ZNF518B: variants seen among roughly 807,000 people sequenced by gnomAD.
The protein encoded by ZNF518B is zinc finger protein 518B.
In ZNF518B, 23 loss-of-function variants were observed where a neutral mutation model predicts 56.3. The ratio of observed to expected loss-of-function variants is 0.41; its 90% CI spans 0.29 to 0.58. The LOEUF is 0.58. Among genes scored for constraint, ZNF518B ranks in the 20% least tolerant of loss-of-function variants. The pLI is 0.32. For synonymous variants in ZNF518B, 529 were observed against 465.9 expected, an observed-to-expected ratio of 1.14 and a Z score of -1.74; for missense variants, 1,460 against 1,272.1, an observed-to-expected ratio of 1.15 and a Z score of -2.25.
At chr4:10,452,689 C>G (rs1715371836) in intron 2 of ZNF518B, 1 of 152,020 alleles carries the variant, frequency 6.6e-6, no homozygotes, top group African/African-American at 2.4e-5. Context: ...AAACTATGCT[C>G]AAAATAATGC....
rs1714828396 is a variant in ZNF518B, at chr4:10,444,045, T to G, written c.2284A>C (p.Arg762=). Reference sequence around the variant, plus strand: ...ACTGGCGTGGCAACATGAGCCTTCCTGGCCACTCTGCTTTTGGTTTTCCTA... The same window carrying G: ...ACTGGCGTGGCAACATGAGCCTTCCGGGCCACTCTGCTTTTGGTTTTCCTA... ...SNRKTKSRVA[R]KAHVATPVLI... is the part of the protein sequence containing the mutation. Residue 762 remains arginine, a synonymous_variant, in exon 3 of 3, where the codon AGG becomes CGG. Transcript: ENST00000326756. The G allele has an allele frequency of 2.5e-6, 4 of 1,614,236 alleles. No homozygotes were observed. Among genetic ancestry groups the G allele is most frequent in the Non-Finnish European group, 2.5e-6 (3 of 1,180,044 alleles).
rs1235001846 is a variant in ZNF518B at position 10,440,398 on chromosome 4, A to G, written c.*2706T>C. 1.3e-5 allele frequency: 2 copies of G among 152,500 alleles called. No homozygotes were observed. The highest frequency in any genetic ancestry group is 4.8e-5 in the African/African-American group (2 of 41,376). The allele number at this position is 152,500 out of a possible 1,614,324, so 9.4% of individuals were successfully genotyped here. Reference sequence around the variant, plus strand: ...TACTTTAAAAAATAAGTTGAAAATGATTTTATTGGCAGTATTAACAAAATG... The same window carrying G: ...TACTTTAAAAAATAAGTTGAAAATGGTTTTATTGGCAGTATTAACAAAATG... On this transcript the variant is annotated 3_prime_UTR_variant, in exon 3 of 3. Coordinates refer to ENST00000326756, the MANE Select transcript of ZNF518B (RefSeq NM_053042.3).
At position 10,443,536 on chromosome 4, in the gene ZNF518B, A is replaced by T. The variant is rs765650890; in HGVS notation, c.2793T>A (p.Asp931Glu). 14 of 1,614,040 alleles carry T rather than the reference A, an allele frequency of 8.7e-6. No individual in the cohort carries two copies. The South Asian group carries it at 1.2e-4, about 14-fold the overall frequency. ...RQLRLIAAKP[D>E]QLIKCPRRNQ... ...TCCGACGGGGACACTTAATCAACTG[A>T]TCTGGCTTAGCTGCTATCAGTCTTA... The change falls in exon 3 of 3, where the codon GAT becomes GAA. Residue 931 changes from aspartate to glutamate, a missense_variant. Asp to Glu is a conservative substitution (Grantham distance 45, BLOSUM62 2). Coordinates refer to ENST00000326756, the MANE Select transcript of ZNF518B (RefSeq NM_053042.3).
At position 10,446,455 on chromosome 4, in the gene ZNF518B, T is replaced by A; in HGVS notation, c.-127A>T. On this transcript the variant is annotated 5_prime_UTR_variant, in exon 3 of 3. An upstream open reading frame in the 5' UTR loses its in-frame stop. Coordinates refer to ENST00000326756, the MANE Select transcript of ZNF518B (RefSeq NM_053042.3). ...CGCAGCTACTTCTTGGGTGCATACT[T>A]AATTATCTTTCTTTATATACTGCCG... is the stretch of plus-strand genomic sequence containing the variant. 2 of 846,542 alleles carry A rather than the reference T, an allele frequency of 2.4e-6. No homozygotes were observed. The highest frequency in any genetic ancestry group is 3.7e-6 in the Non-Finnish European group (2 of 536,772). 52.4% of individuals were successfully genotyped at this position (846,542 alleles called of 1,614,324 possible).
upstream of ZNF518B, among the ~76,000 whole-genome samples, chr4:10,457,835 AGGAGATG>A: frequency 6.6e-6 from 1 of 152,300 alleles, no homozygotes; most frequent in African/African-American, 2.4e-5. Context: ...GCTTCAGTGA[AGGAGATG>A]GCCTTGAAGT....
At chr4:10,458,210 C>T (rs1361366014), upstream of ZNF518B, among the ~76,000 whole-genome samples, 1 of 152,194 alleles carries the variant, frequency 6.6e-6, no homozygotes, top group Non-Finnish European at 1.5e-5. Flanking sequence ...ATTGCCAGGT[C>T]CCGCACAATC....
Position 10,444,750 on chromosome 4 carries a change from A to C in ZNF518B, c.1579T>G (p.Leu527Val), listed in dbSNP as rs778215760. The C allele has an allele frequency of 3.1e-6, 5 of 1,613,978 alleles. No individual in the cohort carries two copies. In the East Asian group the frequency reaches 1.1e-4, roughly 36 times the overall value. Residue 527 changes from leucine (L) to valine (V), a missense_variant, in exon 3 of 3, where the codon TTA (leucine) becomes GTA (valine). Transcript: ENST00000326756. ...GRNLHSSSQQ[L>V]LPFAASPATC... is the part of the protein sequence containing the mutation. ...GCAGGTGATGCAGCAAATGGGAGTA[A>C]CTGCTGTGAGCTACTGTGTAAATTT... is the stretch of plus-strand genomic sequence containing the variant.
At position 10,445,822 on chromosome 4, in the gene ZNF518B, G is replaced by A. The variant is rs759710653; in HGVS notation, c.507C>T (p.Tyr169=). ...GAAACTCTCCTTTCGTATACGAAATGTAGCTGCAGTGAGAACAAATGAATT... is the reference window on the plus strand; with the variant it reads ...GAAACTCTCCTTTCGTATACGAAATATAGCTGCAGTGAGAACAAATGAATT... ...EIKFICSHCS[Y]ISYTKGEFQR... The change falls in exon 3 of 3, where the codon TAC becomes TAT. Residue 169 remains tyrosine (Y), a synonymous_variant. Transcript: ENST00000326756. The A allele has an allele frequency of 2.5e-6, 4 of 1,614,228 alleles. No homozygotes were observed. In the South Asian group the frequency reaches 4.4e-5, roughly 18 times the overall value.
At position 10,445,995 on chromosome 4, in the gene ZNF518B, T is replaced by C; in HGVS notation, c.334A>G (p.Asn112Asp). ...GAACTTGAGAAGTTTTCAGTTTTATTTCCAACATGAGTCGCACTGGAATTA... is the reference window on the plus strand; with the variant it reads ...GAACTTGAGAAGTTTTCAGTTTTATCTCCAACATGAGTCGCACTGGAATTA... ...SNNSSATHVG[N>D]KTENFSSSVN... The change falls in exon 3 of 3, where the codon AAT (asparagine) becomes GAT (aspartate). Residue 112 changes from asparagine (N) to aspartate (D), a missense_variant. Coordinates refer to ENST00000326756, the MANE Select transcript of ZNF518B (RefSeq NM_053042.3). 6.2e-7 allele frequency: 1 copy of C among 1,614,188 alleles called. No homozygotes were observed. Among genetic ancestry groups the C allele is most frequent in the Non-Finnish European group, 8.5e-7 (1 of 1,180,036 alleles).
chr4:10,445,827 T>C lies in ZNF518B; in HGVS notation c.502A>G (p.Ser168Gly). Residue 168 changes from serine to glycine, a missense_variant, in exon 3 of 3, where the codon AGC (serine) becomes GGC (glycine). Physicochemically the swap from Ser to Gly is moderately conservative, Grantham distance 56 (BLOSUM62 0). Coordinates refer to ENST00000326756, the MANE Select transcript of ZNF518B (RefSeq NM_053042.3). ...EEIKFICSHC[S>G]YISYTKGEFQ... ...TCTCCTTTCGTATACGAAATGTAGC[T>C]GCAGTGAGAACAAATGAATTTAATC... is the stretch of plus-strand genomic sequence containing the variant. 1 of 1,614,266 alleles carries C rather than the reference T, an allele frequency of 6.2e-7. No homozygotes were observed. The highest frequency in any genetic ancestry group is 2.2e-5 in the East Asian group (1 of 44,892).
At chr4:10,446,733 C>T (rs1045988623) in intron 2 of ZNF518B, among the ~76,000 whole-genome samples, 194 bp from the exon 3 acceptor site, 6 of 152,176 alleles carry the variant, frequency 3.9e-5, no homozygotes, top group African/African-American at 1.4e-4. Flanking sequence ...AAACTCAGCC[C>T]CCTATAAATG....
chr4:10,460,277 C>A (rs1197764954), upstream of ZNF518B, among the ~76,000 whole-genome samples: 2 of 122,748 alleles, frequency 1.6e-5, no homozygotes, highest in African/African-American at 6.2e-5. Flanking sequence ...TGCACTCCAG[C>A]ATGGGCAACA....
upstream of ZNF518B, among the ~76,000 whole-genome samples, chr4:10,461,274 C>G (rs1167690691): frequency 6.6e-6 from 1 of 152,264 alleles, no homozygotes. Flanking sequence ...CCCTTTCCCG[C>G]CCTGCGGCGC....
intron 1 of ZNF518B, chr4:10,456,997 G>A (rs1459468839): frequency 6.7e-6 from 1 of 149,840 alleles, no homozygotes; most frequent in Admixed American, 6.6e-5. Context: ...GCGCACAAAG[G>A]CGAGCTGGGG....
In ZNF518B at chr4:10,440,287, G is replaced by GC. The variant is rs200204334; in HGVS notation, c.*2816_*2817insG. ...GTCTATCAGAGTATACTTTGGGTCA[G>GC]GTTTTTTTTTTTTAACTTTTACTGT... is the stretch of plus-strand genomic sequence containing the variant. On this transcript the variant is annotated 3_prime_UTR_variant, in exon 3 of 3. Transcript: ENST00000326756. 10,570 of 92,936 alleles carry GC rather than the reference G, an allele frequency of 0.11. 409 individuals are homozygous for GC. The highest frequency in any genetic ancestry group is 0.18 in the Non-Finnish European group (6,493 of 36,782). 5.8% of individuals were successfully genotyped at this position (92,936 alleles called of 1,614,324 possible).
chr4:10,444,606 TA>T lies in ZNF518B; in HGVS notation c.1722del (p.Asp574GlufsTer13). 6.2e-7 allele frequency: 1 copy of T among 1,614,222 alleles called. No homozygotes were observed. Among genetic ancestry groups the T allele is most frequent in the Non-Finnish European group, 8.5e-7 (1 of 1,180,044 alleles). ...KVVSSNRKQE[D>X]NQTEEHKAVS... is the part of the protein sequence containing the mutation. ...ACTGCCTTGTGTTCCTCTGTCTGGT[TA>T]TCTTCCTGCTTCCTATTAGAGGAAA... On this transcript the variant is annotated frameshift_variant, in exon 3 of 3. Coordinates refer to ENST00000326756, the MANE Select transcript of ZNF518B (RefSeq NM_053042.3). LOFTEE classifies it high-confidence loss of function.
Position 10,443,267 on chromosome 4 carries a change from T to G in ZNF518B, c.3062A>C (p.Tyr1021Ser). 1 of 1,614,230 alleles carries G rather than the reference T, an allele frequency of 6.2e-7. No homozygotes were observed. Among genetic ancestry groups the G allele is most frequent in the Non-Finnish European group, 8.5e-7 (1 of 1,180,034 alleles). Residue 1021 changes from tyrosine to serine, a missense_variant, in exon 3 of 3, where the codon TAC (tyrosine) becomes TCC (serine). Tyr to Ser is a moderately radical substitution (Grantham distance 144). Coordinates refer to ENST00000326756, the MANE Select transcript of ZNF518B (RefSeq NM_053042.3). ...MKLKKVHKNN[Y>S]QVVDSLPDDS... Reference sequence around the variant, plus strand: ...ATCAGGCAAGGAATCCACTACCTGGTAGTTGTTTTTATGAACTTTTTTGAG... The same window carrying G: ...ATCAGGCAAGGAATCCACTACCTGGGAGTTGTTTTTATGAACTTTTTTGAG...
At chr4:10,458,359 G>A (rs1429981128), upstream of ZNF518B, among the ~76,000 whole-genome samples, 2 of 152,202 alleles carry the variant, frequency 1.3e-5, no homozygotes, top group South Asian at 2.1e-4. Flanking sequence ...GCGGGGCAAG[G>A]CTGGTTTCCA....
chr4:10,451,759 T>G (rs1037525267), intron 2 of ZNF518B: 7 of 152,194 alleles, frequency 4.6e-5, no homozygotes, highest in Non-Finnish European at 1.0e-4. Context: ...TAACAGCCAT[T>G]TATAATTACC....
Sources: allele counts gnomAD v4.1 joint callset (sites outside exome capture counted in the v4.1 genomes callset), GRCh38; gene constraint gnomAD v4.1.1; transcripts MANE v1.5; gene names NCBI Gene and HGNC (gene_info 2026-07-23, HGNC 2026-07-21).